ZMAT4: variants seen among roughly 807,000 people sequenced by gnomAD.
ZMAT4 encodes the protein zinc finger matrin-type 4, also known as zinc finger matrin-type protein 4.
ZMAT4 carries 17 observed loss-of-function variants against 28.7 expected under a neutral mutation model. That is an observed-to-expected ratio of 0.59 (90% CI 0.41 to 0.89). The LOEUF is 0.89. Ranked by LOEUF, ZMAT4 falls within the 40% of genes least tolerant of loss-of-function variation. The pLI, the probability that ZMAT4 is intolerant of heterozygous loss-of-function variation, is 0.00. For missense variants in ZMAT4, 240 were observed against 283.8 expected, an observed-to-expected ratio of 0.85 and a Z score of 1.11; for synonymous variants, 117 against 109.2, an observed-to-expected ratio of 1.07 and a Z score of -0.44.
At chr8:40,683,772 TA>T (rs1256927906) in intron 4 of ZMAT4, among the ~76,000 whole-genome samples, 2 of 152,070 alleles carry the variant, frequency 1.3e-5, no homozygotes, top group Non-Finnish European at 2.9e-5. Context: ...TTTATGGGTA[TA>T]ATTATTTCAG....
rs577809312 is a variant in ZMAT4, at chr8:40,835,361, A to G, written c.-4-9681T>C. Among the ~76,000 whole-genome samples the G allele has an allele frequency of 4.7e-4, 72 of 152,296 alleles. 1 individual carries two copies. The South Asian group carries it at 0.014, about 30-fold the overall frequency. On this transcript the variant is annotated intron_variant, in intron 1 of 6. Coordinates refer to ENST00000297737, the MANE Select transcript of ZMAT4 (RefSeq NM_024645.3). ...ACCAAAGGGCTGTGCACCCAGGCAG[A>G]AAAGCCACTCACATTTTAAAGAATA...
intron 4 of ZMAT4, among the ~76,000 whole-genome samples, chr8:40,693,121 T>C (rs1809726543): frequency 6.6e-6 from 1 of 152,190 alleles, no homozygotes; most frequent in Non-Finnish European, 1.5e-5. Context: ...GGGGTCTTTT[T>C]TCTTGTTTTC....
intron 6 of ZMAT4, among the ~76,000 whole-genome samples, chr8:40,576,674 T>A (rs985557901): frequency 9.9e-5 from 15 of 152,080 alleles, no homozygotes; most frequent in African/African-American, 3.4e-4. Context: ...AAGTCCTACA[T>A]CTAGAAATAA....
chr8:40,767,867 T>A, intron 2 of ZMAT4, 137 bp from the exon 3 acceptor site: 1 of 648,126 alleles, frequency 1.5e-6, no homozygotes, highest in Non-Finnish European at 2.5e-6. Flanking sequence ...GTGAGGGATG[T>A]AGGATGTAGT....
chr8:40,675,046 C>A, intron 4 of ZMAT4, 115 bp from the exon 5 acceptor site: 1 of 706,138 alleles, frequency 1.4e-6, no homozygotes, highest in South Asian at 2.5e-5. Flanking sequence ...TAAACATCCC[C>A]AAGAGTTCAT....
At chr8:40,694,007 C>T (rs1368735164) in intron 4 of ZMAT4, among the ~76,000 whole-genome samples, 1 of 152,206 alleles carries the variant, frequency 6.6e-6, no homozygotes, top group Non-Finnish European at 1.5e-5. Context: ...GGGCAGCATA[C>T]CTGAGCAAAA....
rs527448026 is a variant in ZMAT4, at chr8:40,799,139, ATGGC to A, written c.102+26432_102+26435del. Reference sequence around the variant, plus strand: ...GAGAGAGAGACAGAGAGAAGGATAGATGGCTGGCTGGCTGGCTGGATGGATGGAT... The same window carrying A: ...GAGAGAGAGACAGAGAGAAGGATAGATGGCTGGCTGGCTGGATGGATGGAT... On this transcript the variant is annotated intron_variant, in intron 2 of 6. Transcript: ENST00000297737. Among the ~76,000 whole-genome samples the A allele has an allele frequency of 3.6e-3, 479 of 133,964 alleles. 8 individuals are homozygous for A. Among genetic ancestry groups the A allele is most frequent in the African/African-American group, 0.013 (448 of 35,102 alleles). The allele number at this position is 133,964 out of a possible 152,430, so 87.9% of individuals were successfully genotyped here.
At chr8:40,637,624 AAGCTACAGAATAGAAAGAGG>A (rs1354973396) in intron 5 of ZMAT4, among the ~76,000 whole-genome samples, 3 of 152,196 alleles carry the variant, frequency 2.0e-5, no homozygotes, top group African/African-American at 7.2e-5. Context: ...GCTGCAATAG[AAGCTACAGAATAGAAAGAGG>A]CACTAAGGCA....
At chr8:40,796,871 G>A (rs554608048) in intron 2 of ZMAT4, among the ~76,000 whole-genome samples, 22 of 152,298 alleles carry the variant, frequency 1.4e-4, no homozygotes, top group African/African-American at 9.6e-5. Context: ...TGCTGTGCTC[G>A]GAGATCTCAT....
chr8:40,558,723 T>G (rs577322732), intron 6 of ZMAT4, among the ~76,000 whole-genome samples: 1 of 152,022 alleles, frequency 6.6e-6, no homozygotes, highest in African/African-American at 2.4e-5. Context: ...ATGTGAGAAC[T>G]AAAAATAAAA....
chr8:40,727,197 G>A (rs1293768804), intron 3 of ZMAT4, among the ~76,000 whole-genome samples: 3 of 152,146 alleles, frequency 2.0e-5, no homozygotes, highest in Non-Finnish European at 2.9e-5. Flanking sequence ...TGGCCTGCCT[G>A]GTTTGTGCTT....
rs561290825 is a variant in ZMAT4 at position 40,813,692 on chromosome 8, C to T, written c.102+11883G>A. 3.3e-5 allele frequency among the ~76,000 whole-genome samples: 5 copies of T among 152,250 alleles called. No homozygotes were observed. In the South Asian group the frequency reaches 1.0e-3, roughly 32 times the overall value. On this transcript the variant is annotated intron_variant, in intron 2 of 6. Transcript: ENST00000297737. ...ACAAAAGGTATTACCTAGGGCCAAA[C>T]CTGAAGAAGCTAAATTTCCAGAAGA...
intron 5 of ZMAT4, among the ~76,000 whole-genome samples, chr8:40,650,442 C>T (rs1807584576): frequency 8.7e-6 from 1 of 114,888 alleles, no homozygotes; most frequent in Non-Finnish European, 2.0e-5. Context: ...CAATAGCTTA[C>T]CAACCAAAAA....
chr8:40,798,413 C>A (rs1814684530), intron 2 of ZMAT4, among the ~76,000 whole-genome samples: 1 of 152,196 alleles, frequency 6.6e-6, no homozygotes, highest in South Asian at 2.1e-4. Context: ...GCAGGCAGGA[C>A]ATCTTATTTT....
chr8:40,594,057 G>C (rs2118589537), intron 5 of ZMAT4, among the ~76,000 whole-genome samples: 1 of 152,288 alleles, frequency 6.6e-6, no homozygotes, highest in South Asian at 2.1e-4. Context: ...AGTTAGGTTG[G>C]AGAGAGTTTC....
intron 2 of ZMAT4, among the ~76,000 whole-genome samples, chr8:40,772,749 C>T (rs563748815): frequency 6.6e-6 from 1 of 152,312 alleles, no homozygotes; most frequent in South Asian, 2.1e-4. Flanking sequence ...AATTATACCT[C>T]TTCTAGAAAC....
chr8:40,758,451 C>A (rs981035577), intron 3 of ZMAT4, among the ~76,000 whole-genome samples: 7 of 152,126 alleles, frequency 4.6e-5, no homozygotes, highest in Non-Finnish European at 8.8e-5. Flanking sequence ...ATAAACAGAG[C>A]AACAATTCCT....
intron 5 of ZMAT4, among the ~76,000 whole-genome samples, chr8:40,600,790 C>A (rs565043870): frequency 6.6e-6 from 1 of 152,298 alleles, no homozygotes; most frequent in South Asian, 2.1e-4. Context: ...TTCCTCATGT[C>A]AGCCCACACT....
At chr8:40,879,388 A>T (rs1158107895) in intron 1 of ZMAT4, among the ~76,000 whole-genome samples, 1 of 152,232 alleles carries the variant, frequency 6.6e-6, no homozygotes, top group South Asian at 2.1e-4. Context: ...ACACCACTGC[A>T]CTCCAGCCTG....
Sources: gnomAD v4.1 joint callset for allele counts (sites outside exome capture counted in the v4.1 genomes callset) on GRCh38, gnomAD v4.1.1 for gene constraint, MANE v1.5 for transcripts, NCBI Gene and HGNC (gene_info 2026-07-23, HGNC 2026-07-21) for gene names.